Variants in EYS observed in about 807,000 individuals in gnomAD.
The protein encoded by EYS is protein eyes shut homolog.
Under a neutral mutation model 282.1 loss-of-function variants are expected in EYS, and 250 were observed. The ratio of observed to expected loss-of-function variants is 0.89; its 90% confidence interval spans 0.80 to 0.98. The LOEUF is 0.98. Among genes scored for constraint, EYS ranks in the 50% least tolerant of loss-of-function variants. EYS has a pLI of 0.00. For missense variants in EYS, 4,016 were observed against 3,709.0 expected (o/e 1.08, Z -2.15); for synonymous variants, 1,355 against 1,282.9 (o/e 1.06, Z -1.20).
chr6:64,622,596 G>T (rs1327512805), intron 23 of EYS, among the ~76,000 whole-genome samples: 2 of 152,106 alleles, frequency 1.3e-5, no homozygotes, highest in Non-Finnish European at 2.9e-5. Flanking sequence ...AAACCTTTTG[G>T]CATAGAGGTG....
intron 33 of EYS, among the ~76,000 whole-genome samples, chr6:64,000,823 T>C (rs546357286): frequency 6.6e-6 from 1 of 152,254 alleles, no homozygotes; most frequent in African/African-American, 2.4e-5. Context: ...ACCAAGGTCA[T>C]TTCTAATTCT....
At chr6:64,970,719 T>A (rs1240448857) in intron 14 of EYS, among the ~76,000 whole-genome samples, 2 of 152,204 alleles carry the variant, frequency 1.3e-5, no homozygotes, top group East Asian at 1.9e-4. Context: ...TGAACCCATA[T>A]GAAGTGCCAC....
intron 36 of EYS, among the ~76,000 whole-genome samples, chr6:63,834,531 A>C (rs886900090): frequency 1.8e-4 from 27 of 151,844 alleles, no homozygotes; most frequent in Admixed American, 3.9e-4. Flanking sequence ...TAGAATGGCA[A>C]TCATTAAAAA....
chr6:64,495,566 G>A (rs1021427082), intron 26 of EYS, among the ~76,000 whole-genome samples: 4 of 151,870 alleles, frequency 2.6e-5, no homozygotes, highest in Non-Finnish European at 5.9e-5. Context: ...TTAGACGTGT[G>A]CTGTGCTTGG....
rs550241656 is a variant in EYS, at chr6:64,736,673, G to A, written c.3443+76705C>T. Among the ~76,000 whole-genome samples the A allele has an allele frequency of 2.5e-4, 38 of 152,054 alleles. 1 individual carries two copies. The highest frequency in any genetic ancestry group is 3.5e-4 in the Non-Finnish European group (24 of 67,984). On this transcript the variant is annotated intron_variant, in intron 22 of 42. Transcript: ENST00000503581. ...GTTTTTAACATTATATTTCTATTGC[G>A]AAATGAGTCCTGCTTGAGGTATTTC... is the stretch of plus-strand genomic sequence containing the variant.
At chr6:63,896,305 G>T in intron 35 of EYS, among the ~76,000 whole-genome samples, 1 of 152,074 alleles carries the variant, frequency 6.6e-6, no homozygotes, top group Admixed American at 6.6e-5. Context: ...TTTGTTTTTA[G>T]GTTGGACTTA....
In EYS at chr6:64,764,938, T is replaced by C. The variant is rs556136255; in HGVS notation, c.3443+48440A>G. ...TTTTAATAGAGATATGGTATCTCCA[T>C]GTTGGTCAGGCTGGTCTTGAACTCC... On this transcript the variant is annotated intron_variant, in intron 22 of 42. Coordinates refer to ENST00000503581, the MANE Select transcript of EYS (RefSeq NM_001142800.2). Among the ~76,000 whole-genome samples the C allele has an allele frequency of 8.1e-4, 124 of 152,300 alleles. 1 individual carries two copies. The highest frequency in any genetic ancestry group is 2.8e-3 in the African/African-American group (118 of 41,558).
chr6:64,560,432 A>G (rs949143418), intron 26 of EYS, among the ~76,000 whole-genome samples: 8 of 152,120 alleles, frequency 5.3e-5, no homozygotes, highest in Admixed American at 4.6e-4. Flanking sequence ...TTCTTAAAGA[A>G]AACACTGGCT....
intron 22 of EYS, among the ~76,000 whole-genome samples, chr6:64,808,073 C>T (rs1246494167): frequency 1.4e-5 from 2 of 146,874 alleles, no homozygotes; most frequent in African/African-American, 5.0e-5. Context: ...CCCTTTCTTT[C>T]CCTTCCCTTC....
chr6:65,502,736 G>A (rs955282689), intron 2 of EYS, among the ~76,000 whole-genome samples: 1 of 151,226 alleles, frequency 6.6e-6, no homozygotes, highest in African/African-American at 2.4e-5. Context: ...AGGACTATTG[G>A]TTAAGTATTT....
At chr6:65,231,115 TTA>T (rs1333353506) in intron 12 of EYS, among the ~76,000 whole-genome samples, 5 of 142,850 alleles carry the variant, frequency 3.5e-5, no homozygotes, top group African/African-American at 1.0e-4. Context: ...ATATATGTAT[TTA>T]TATATATATA....
chr6:64,481,363 T>C (rs531707211), intron 26 of EYS, among the ~76,000 whole-genome samples: 1 of 150,064 alleles, frequency 6.7e-6, no homozygotes, highest in Non-Finnish European at 1.5e-5. Flanking sequence ...CCAGAATATC[T>C]CTGGGTGTAT....
At chr6:63,776,569 C>T (rs978932712) in intron 40 of EYS, among the ~76,000 whole-genome samples, 1 of 152,152 alleles carries the variant, frequency 6.6e-6, no homozygotes, top group African/African-American at 2.4e-5. Context: ...CTTTGTTACA[C>T]ACAAAGTCCT....
intron 19 of EYS, among the ~76,000 whole-genome samples, chr6:64,838,112 A>C (rs149166276): frequency 4.6e-5 from 7 of 151,966 alleles, no homozygotes; most frequent in African/African-American, 1.4e-4. Context: ...TCTTTTGTTC[A>C]AACACATTGA....
intron 12 of EYS, among the ~76,000 whole-genome samples, chr6:65,138,237 T>C (rs899700611): frequency 2.0e-5 from 3 of 152,046 alleles, no homozygotes; most frequent in African/African-American, 7.2e-5. Context: ...GAAATGCAAA[T>C]TGAACTATTA....
intron 31 of EYS, among the ~76,000 whole-genome samples, chr6:64,105,969 A>C (rs76219643): frequency 0.042 from 6,382 of 152,220 alleles, 393 homozygotes; most frequent in African/African-American, 0.14. Context: ...TTCTTTTAGA[A>C]AACATACAGT....
chr6:64,888,760 T>C (rs921257508), intron 18 of EYS, among the ~76,000 whole-genome samples: 7 of 152,070 alleles, frequency 4.6e-5, no homozygotes, highest in Non-Finnish European at 1.0e-4. Flanking sequence ...CTGCTAAATG[T>C]CTTACTAAAA....
chr6:63,739,888 C>T lies in EYS; in HGVS notation c.8072-13208G>A, dbSNP rs1392524461. On this transcript the variant is annotated intron_variant, in intron 41 of 42. Coordinates refer to ENST00000503581, the MANE Select transcript of EYS (RefSeq NM_001142800.2). ...TTTTTTTTTTTTTTTTTAGTAGAGA[C>T]GGGGTTTTGCCATGTTAGCCAGGCT... Among the ~76,000 whole-genome samples, 9 of 140,666 alleles carry T rather than the reference C, an allele frequency of 6.4e-5. No individual in the cohort carries two copies. In the South Asian group the frequency reaches 6.7e-4, roughly 11 times the overall value. 92.3% of individuals were successfully genotyped at this position (140,666 alleles called of 152,430 possible).
At chr6:63,881,646 C>T (rs552326918) in intron 35 of EYS, among the ~76,000 whole-genome samples, 2 of 152,072 alleles carry the variant, frequency 1.3e-5, no homozygotes, top group African/African-American at 4.8e-5. Flanking sequence ...ATTTATTTCA[C>T]TTAAGGTTAA....
Sources: allele counts gnomAD v4.1 joint callset (sites outside exome capture counted in the v4.1 genomes callset), GRCh38; gene constraint gnomAD v4.1.1; transcripts MANE v1.5; gene names NCBI Gene and HGNC (gene_info 2026-07-23, HGNC 2026-07-21).